SMURF1: variants seen among roughly 807,000 people sequenced by gnomAD.
SMURF1 encodes the protein E3 ubiquitin-protein ligase SMURF1.
A neutral mutation model predicts 98.0 loss-of-function variants in SMURF1; 44 were observed. The ratio of observed to expected loss-of-function variants is 0.45; its 90% confidence interval spans 0.35 to 0.58. The LOEUF (loss-of-function observed/expected upper bound fraction) is 0.58. Among genes scored for constraint, SMURF1 ranks in the 20% least tolerant of loss-of-function variants. The pLI is 0.00. For missense variants in SMURF1, 687 were observed against 938.4 expected (o/e 0.73, Z 3.50); for synonymous variants, 396 against 374.9 (o/e 1.06, Z -0.65).
intron 1 of SMURF1, among the ~76,000 whole-genome samples, chr7:99,120,207 G>A (rs1203442064): frequency 6.6e-6 from 1 of 152,180 alleles, no homozygotes; most frequent in Non-Finnish European, 1.5e-5. Context: ...AAGCTAAGCA[G>A]ATGCCAACAC....
chr7:99,094,984 C>A (rs1227376402), intron 1 of SMURF1, among the ~76,000 whole-genome samples: 1 of 152,208 alleles, frequency 6.6e-6, no homozygotes, highest in Non-Finnish European at 1.5e-5. Flanking sequence ...CTCAGAGTTC[C>A]ACTTCTGTGT....
chr7:99,061,632 C>G lies in SMURF1; in HGVS notation c.94+167G>C, dbSNP rs537504783. Among the ~76,000 whole-genome samples the G allele has an allele frequency of 2.0e-5, 3 of 152,294 alleles. No individual in the cohort carries two copies. In the East Asian group the frequency reaches 5.8e-4, roughly 29 times the overall value. ...AGTTCTGTATATTTCAGCTAAGGAA[C>G]TACCCATGTTGTAGTCAACCGGGAA... On this transcript the variant is annotated intron_variant, in intron 2 of 17. Coordinates refer to ENST00000361368, the MANE Select transcript of SMURF1 (RefSeq NM_181349.3).
chr7:99,127,975 AG>A (rs536295545), intron 1 of SMURF1, among the ~76,000 whole-genome samples: 22 of 152,204 alleles, frequency 1.4e-4, no homozygotes, highest in Non-Finnish European at 2.8e-4. Flanking sequence ...ATTTCAATTC[AG>A]GTTCCATTTT....
At chr7:99,092,070 GA>G in intron 1 of SMURF1, among the ~76,000 whole-genome samples, 1 of 152,172 alleles carries the variant, frequency 6.6e-6, no homozygotes, top group Non-Finnish European at 1.5e-5. Context: ...GTGCCATACA[GA>G]TAATACTTCC....
chr7:99,065,465 T>C (rs767246815), intron 1 of SMURF1, among the ~76,000 whole-genome samples: 1 of 152,216 alleles, frequency 6.6e-6, no homozygotes, highest in African/African-American at 2.4e-5. Flanking sequence ...GTTACTATTG[T>C]GAATGGAATC....
chr7:99,044,665 T>A (rs1171007747), intron 11 of SMURF1, among the ~76,000 whole-genome samples: 9 of 152,070 alleles, frequency 5.9e-5, no homozygotes. Context: ...ATCAAAAAAA[T>A]AAAGGTGAAA....
chr7:99,103,332 C>T (rs2059038000), intron 1 of SMURF1, among the ~76,000 whole-genome samples: 1 of 152,174 alleles, frequency 6.6e-6, no homozygotes, highest in Non-Finnish European at 1.5e-5. Context: ...AACACATTTT[C>T]ATTCCAATAA....
intron 1 of SMURF1, among the ~76,000 whole-genome samples, chr7:99,118,420 A>G (rs1797511365): frequency 6.6e-6 from 1 of 152,276 alleles, no homozygotes. Context: ...ATCAATTAAA[A>G]GAATGTGGTC....
intron 5 of SMURF1, among the ~76,000 whole-genome samples, chr7:99,055,518 G>T (rs1795857205): frequency 6.6e-6 from 1 of 151,608 alleles, no homozygotes; most frequent in Non-Finnish European, 1.5e-5. Context: ...AGTTTTTTTG[G>T]GGGGGATTAA....
At chr7:99,129,676 G>A (rs1797828919) in intron 1 of SMURF1, among the ~76,000 whole-genome samples, 1 of 152,180 alleles carries the variant, frequency 6.6e-6, no homozygotes, top group African/African-American at 2.4e-5. Context: ...ACGGGTGTGA[G>A]CCACTGTACC....
At position 99,052,287 on chromosome 7, in the gene SMURF1, T is replaced by C. The variant is rs1795774896; in HGVS notation, c.639A>G (p.Arg213=). The C allele has an allele frequency of 6.2e-7, 1 of 1,612,348 alleles. No homozygotes were observed. The highest frequency in any genetic ancestry group is 1.1e-5 in the South Asian group (1 of 90,390). The change falls in exon 7 of 18, where the codon CGA becomes CGG. Residue 213 remains arginine (R), a synonymous_variant. Coordinates refer to ENST00000361368, the MANE Select transcript of SMURF1 (RefSeq NM_181349.3). ...GTAGTGAACCTCGCACATCAGGGTT[T>C]CGAAGCCGCTGTGCCTGAAGTCTTT... is the stretch of plus-strand genomic sequence containing the variant. The part of the protein sequence containing the change: ...QDQRLQAQRL[R]NPDVRGSLQT...
intron 13 of SMURF1, among the ~76,000 whole-genome samples, chr7:99,039,762 C>T (rs1795302040): frequency 1.3e-5 from 2 of 152,198 alleles, no homozygotes; most frequent in South Asian, 4.1e-4. Context: ...CTCCGACTCA[C>T]CCACATTCCC....
At position 99,066,044 on chromosome 7, in the gene SMURF1, C is replaced by CA. The variant is rs35565503; in HGVS notation, c.56-4208dup. On this transcript the variant is annotated intron_variant, in intron 1 of 17. Coordinates refer to ENST00000361368, the MANE Select transcript of SMURF1 (RefSeq NM_181349.3). ...CTGATGACACAGTGAGATTCCGTCT[C>CA]AAAAAAAAAAAAAGGCACAAGCGAG... Among the ~76,000 whole-genome samples the CA allele has an allele frequency of 7.4e-3, 1,009 of 135,986 alleles. 2 individuals carry two copies. Among genetic ancestry groups the CA allele is most frequent in the Middle Eastern group, 0.023 (6 of 266 alleles). 89.2% of individuals were successfully genotyped at this position (135,986 alleles called of 152,430 possible).
At chr7:99,141,784 T>G (rs1431419391) in intron 1 of SMURF1, among the ~76,000 whole-genome samples, 1 of 152,244 alleles carries the variant, frequency 6.6e-6, no homozygotes, top group Non-Finnish European at 1.5e-5. Context: ...ACCGATGACT[T>G]TATGGCTGCG....
At chr7:99,033,600 C>T (rs1418790188) in intron 16 of SMURF1, among the ~76,000 whole-genome samples, 1 of 152,204 alleles carries the variant, frequency 6.6e-6, no homozygotes, top group Non-Finnish European at 1.5e-5. Flanking sequence ...TGAGCCACCA[C>T]ACTCAGCCAA....
chr7:99,078,192 C>T (rs1796506106), intron 1 of SMURF1, among the ~76,000 whole-genome samples: 2 of 150,738 alleles, frequency 1.3e-5, no homozygotes, highest in South Asian at 4.2e-4. Context: ...ATCCCAGCTA[C>T]ACGGGAGGCT....
rs200410942 is a variant in SMURF1 at position 99,037,202 on chromosome 7, C to T, written c.1689-15G>A. The T allele has an allele frequency of 7.2e-5, 116 of 1,613,730 alleles. No homozygotes were observed. In the Middle Eastern group the frequency reaches 1.7e-3, roughly 24 times the overall value. Reference sequence around the variant, plus strand: ...TTACATACAACCTGGAAGAAAAACTCGCAAGTTGGATGCAACACCAAGTGG... The same window carrying T: ...TTACATACAACCTGGAAGAAAAACTTGCAAGTTGGATGCAACACCAAGTGG... On this transcript the variant is annotated splice_polypyrimidine_tract_variant and intron_variant, in intron 14 of 17. Transcript: ENST00000361368.
At chr7:99,050,457 CG>C (rs2150525305) in intron 8 of SMURF1, 1 of 155,442 alleles carries the variant, frequency 6.4e-6, no homozygotes, top group Non-Finnish European at 1.4e-5. Flanking sequence ...TTCAGAAACT[CG>C]CAATTCTAAA....
chr7:99,040,710 A>C (rs1023143014), intron 12 of SMURF1, among the ~76,000 whole-genome samples, 154 bp from the exon 13 acceptor site: 11 of 152,240 alleles, frequency 7.2e-5, no homozygotes, highest in African/African-American at 2.7e-4. Flanking sequence ...AACAAGTGAA[A>C]GAAGGCTGCT....
Sources: allele counts gnomAD v4.1 joint callset (sites outside exome capture counted in the v4.1 genomes callset), GRCh38; gene constraint gnomAD v4.1.1; transcripts MANE v1.5; gene names NCBI Gene and HGNC (gene_info 2026-07-23, HGNC 2026-07-21).